TULP4: variants seen among roughly 807,000 people sequenced by gnomAD.
The protein encoded by TULP4 is TUB like protein 4, also known as tubby-related protein 4.
TULP4 carries 16 observed loss-of-function variants against 129.0 expected under a neutral mutation model. The ratio of observed to expected loss-of-function variants is 0.12; its 90% CI spans 0.08 to 0.19. TULP4 has a LOEUF of 0.19. TULP4 is among the 10% of genes least tolerant of loss of function. TULP4 has a pLI of 1.00. For missense variants in TULP4, 1,842 were observed against 2,059.1 expected, an observed-to-expected ratio of 0.89 and a Z score of 2.04; for synonymous variants, 998 against 854.0, an observed-to-expected ratio of 1.17 and a Z score of -2.94.
intron 1 of TULP4, among the ~76,000 whole-genome samples, chr6:158,329,285 G>A (rs1779820659): frequency 6.6e-6 from 1 of 151,898 alleles, no homozygotes; most frequent in African/African-American, 2.4e-5. Context: ...CTCTATCTTA[G>A]GGACTTTTCT....
chr6:158,342,455 A>C (rs1488628137), intron 1 of TULP4, among the ~76,000 whole-genome samples: 2 of 152,202 alleles, frequency 1.3e-5, no homozygotes, highest in Non-Finnish European at 2.9e-5. Flanking sequence ...TTGTTTATAT[A>C]GCCTCGGTTG....
upstream of TULP4, among the ~76,000 whole-genome samples, chr6:158,309,257 C>G (rs373640592): frequency 4.3e-5 from 5 of 115,108 alleles, no homozygotes; most frequent in Admixed American, 8.5e-5. Context: ...CAGACGGGGT[C>G]GCGGCCGGGC....
At chr6:158,276,908 G>A (rs1562503062) in intron 1 of TULP4, among the ~76,000 whole-genome samples, 1 of 152,132 alleles carries the variant, frequency 6.6e-6, no homozygotes, top group East Asian at 1.9e-4. Flanking sequence ...ACCTCTGCTG[G>A]TCTTCTTTTT....
chr6:158,354,312 G>A (rs755988982), intron 1 of TULP4, among the ~76,000 whole-genome samples: 3 of 152,116 alleles, frequency 2.0e-5, no homozygotes, highest in Non-Finnish European at 2.9e-5. Context: ...GTTTTTTTAA[G>A]TTGATCTCTA....
rs1294132771 is a variant in TULP4 at position 158,506,937 on chromosome 6, A to T, written c.*243A>T. ...TCATTTCAGTGGCATTTGGAAGCAA[A>T]GAGTGCTAGGCACCTGCTGTTCTTT... On this transcript the variant is annotated 3_prime_UTR_variant, in exon 14 of 14. Transcript: ENST00000367097. 2.0e-5 allele frequency: 10 copies of T among 506,306 alleles called. No individual in the cohort carries two copies. The highest frequency in any genetic ancestry group is 2.5e-5 in the Non-Finnish European group (7 of 280,484). 31.4% of individuals were successfully genotyped at this position (506,306 alleles called of 1,614,324 possible). A position where few individuals can be genotyped will look rare whatever the true frequency, so the allele number is the denominator to read the frequency against.
At chr6:158,239,045 CCGGGCGGG>C in intron 1 of TULP4, among the ~76,000 whole-genome samples, 1 of 139,348 alleles carries the variant, frequency 7.2e-6, no homozygotes, top group Non-Finnish European at 1.6e-5. Context: ...AGGCGGCTGG[CCGGGCGGG>C]GGGCTGACCC....
intron 1 of TULP4, among the ~76,000 whole-genome samples, chr6:158,301,419 TTGTC>T (rs1562511046): frequency 6.6e-6 from 1 of 152,038 alleles, no homozygotes; most frequent in Non-Finnish European, 1.5e-5. Context: ...TGGATAATGA[TTGTC>T]AACAACACTG....
At chr6:158,449,246 T>A in intron 4 of TULP4, 70 bp downstream of exon 4, 7 of 1,475,022 alleles carry the variant, frequency 4.7e-6, no homozygotes, top group Non-Finnish European at 6.4e-6. Flanking sequence ...CAGAGTAGAC[T>A]GATGTGGAGG....
chr6:158,455,407 A>G (rs1249561099), intron 5 of TULP4, among the ~76,000 whole-genome samples: 1 of 152,026 alleles, frequency 6.6e-6, no homozygotes, highest in African/African-American at 2.4e-5. Flanking sequence ...CTAACTAGAT[A>G]TCTAAATCTA....
intron 3 of TULP4, among the ~76,000 whole-genome samples, chr6:158,436,796 T>G (rs558525272): frequency 6.6e-6 from 1 of 152,354 alleles, no homozygotes; most frequent in East Asian, 1.9e-4. Flanking sequence ...CTTTTAGCTT[T>G]TCAGGTCTTG....
In TULP4 at chr6:158,502,923, C is replaced by T; in HGVS notation, c.3260C>T (p.Ala1087Val). The T allele has an allele frequency of 2.5e-6, 4 of 1,614,084 alleles. No homozygotes were observed. The highest frequency in any genetic ancestry group is 3.4e-6 in the Non-Finnish European group (4 of 1,180,022). Reference sequence around the variant, plus strand: ...GACCGCACCGACTACGTCAACTCGGCCTTCACGGAGGACGAGGCCCTGTCC... The same window carrying T: ...GACCGCACCGACTACGTCAACTCGGTCTTCACGGAGGACGAGGCCCTGTCC... Reference protein sequence around the residue: ...ARDRTDYVNSAFTEDEALSQH... With the variant: ...ARDRTDYVNSVFTEDEALSQH... The change falls in exon 13 of 14, where the codon GCC (alanine) becomes GTC (valine). Residue 1087 changes from alanine to valine, a missense_variant. Transcript: ENST00000367097.
chr6:158,357,641 G>A (rs1242517863), intron 1 of TULP4, among the ~76,000 whole-genome samples: 3 of 152,168 alleles, frequency 2.0e-5, no homozygotes, highest in East Asian at 3.9e-4. Context: ...AAAGGGAATC[G>A]TCTCCTGAAA....
intron 13 of TULP4, among the ~76,000 whole-genome samples, chr6:158,504,707 T>TTCCAAGCAATC (rs1780559868): frequency 6.6e-6 from 1 of 151,562 alleles, no homozygotes; most frequent in African/African-American, 2.4e-5. Context: ...TCTAGATTGG[T>TTCCAAGCAATC]CTCAAACTCC....
At chr6:158,450,465 T>C (rs1020822122) in intron 4 of TULP4, among the ~76,000 whole-genome samples, 17 of 152,224 alleles carry the variant, frequency 1.1e-4, no homozygotes, top group Admixed American at 2.0e-4. Flanking sequence ...ATTCATTTAT[T>C]CATTTTAGGA....
At chr6:158,418,607 A>C (rs879418289) in intron 2 of TULP4, among the ~76,000 whole-genome samples, 2 of 152,114 alleles carry the variant, frequency 1.3e-5, no homozygotes, top group Admixed American at 6.5e-5. Flanking sequence ...TCTCAACAAA[A>C]ATAGTTTTAA....
chr6:158,453,501 A>AAAAAAAAAAAAC (rs1779212958), intron 5 of TULP4, among the ~76,000 whole-genome samples: 1 of 139,374 alleles, frequency 7.2e-6, no homozygotes, highest in African/African-American at 2.8e-5. Context: ...AAAAAAAAAA[A>AAAAAAAAAAAAC]AAAAAAAAGC....
At chr6:158,363,300 T>C (rs931946060) in intron 1 of TULP4, among the ~76,000 whole-genome samples, 5 of 152,194 alleles carry the variant, frequency 3.3e-5, no homozygotes, top group African/African-American at 1.2e-4. Flanking sequence ...TATTGGGGAA[T>C]GTGTTAACAT....
intron 11 of TULP4, among the ~76,000 whole-genome samples, chr6:158,496,952 A>T (rs945248170): frequency 4.6e-5 from 7 of 152,172 alleles, no homozygotes; most frequent in Non-Finnish European, 1.0e-4. Context: ...CGCTCGAGTG[A>T]TTCTCCCACC....
intron 1 of TULP4, among the ~76,000 whole-genome samples, chr6:158,323,975 T>TAA (rs915624897): frequency 4.6e-5 from 7 of 152,224 alleles, no homozygotes; most frequent in African/African-American, 1.7e-4. Context: ...GTTCAGCTTC[T>TAA]AAGAACCTAT....
Sources: allele counts gnomAD v4.1 joint callset (sites outside exome capture counted in the v4.1 genomes callset), GRCh38; gene constraint gnomAD v4.1.1; transcripts MANE v1.5; gene names NCBI Gene and HGNC (gene_info 2026-07-23, HGNC 2026-07-21).